Variants in MOB1B observed in about 807,000 individuals in gnomAD.
MOB1B encodes MOB1 Mps One Binder homolog B.
MOB1B carries 19 observed loss-of-function variants against 24.4 expected under a neutral mutation model. That is an observed-to-expected ratio of 0.78 (90% CI 0.54 to 1.14). The LOEUF (loss-of-function observed/expected upper bound fraction) is 1.14. MOB1B is among the 50% of genes most tolerant of loss of function. The probability of loss-of-function intolerance (pLI) is 0.00; values close to 1 mark genes in which losing one functional copy is unlikely to be tolerated. For synonymous variants in MOB1B, 76 were observed against 82.1 expected, an observed-to-expected ratio of 0.93 and a Z score of 0.40; for missense variants, 243 against 259.6, an observed-to-expected ratio of 0.94 and a Z score of 0.44.
chr4:70,974,919 A>G (rs1208180418), intron 3 of MOB1B, among the ~76,000 whole-genome samples: 1 of 152,222 alleles, frequency 6.6e-6, no homozygotes, highest in Non-Finnish European at 1.5e-5. Context: ...ATGTAAAAAA[A>G]TGGACATGTG....
At chr4:70,980,372 G>A (rs1224879788) in intron 5 of MOB1B, among the ~76,000 whole-genome samples, 1 of 152,178 alleles carries the variant, frequency 6.6e-6, no homozygotes, top group Non-Finnish European at 1.5e-5. Flanking sequence ...GTTTAAGAGA[G>A]TATATTCTCC....
intron 4 of MOB1B, chr4:70,975,900 A>C: frequency 3.8e-6 from 3 of 788,616 alleles, no homozygotes; most frequent in Non-Finnish European, 4.6e-6. Flanking sequence ...TTTTAATCTA[A>C]ATTTTTCATT....
At chr4:70,942,501 A>G (rs904445029) in intron 1 of MOB1B, among the ~76,000 whole-genome samples, 6 of 152,262 alleles carry the variant, frequency 3.9e-5, no homozygotes, top group South Asian at 2.1e-4. Context: ...TTTGAACTTT[A>G]ACATAAATTA....
chr4:70,982,004 G>A lies in MOB1B; in HGVS notation c.598G>A (p.Glu200Lys), dbSNP rs760678125. The A allele has an allele frequency of 1.2e-6, 2 of 1,611,736 alleles. No individual in the cohort carries two copies. The highest frequency in any genetic ancestry group is 1.1e-5 in the South Asian group (1 of 91,004). The change falls in exon 6 of 6, where the codon GAA (glutamate) becomes AAA (lysine). Residue 200 changes from glutamate to lysine, a missense_variant. Glu to Lys is a moderately conservative substitution (Grantham distance 56). Coordinates refer to ENST00000309395, the MANE Select transcript of MOB1B (RefSeq NM_173468.4). ...GGAATTCAACCTTATTGATAGAAGA[G>A]AACTTGCACCACTCCAAGAACTGAT... Reference protein sequence around the residue: ...VQEFNLIDRRELAPLQELIEK... With the variant: ...VQEFNLIDRRKLAPLQELIEK...
At chr4:70,979,844 C>T (rs1739132702) in intron 5 of MOB1B, among the ~76,000 whole-genome samples, 1 of 152,152 alleles carries the variant, frequency 6.6e-6, no homozygotes, top group Admixed American at 6.5e-5. Flanking sequence ...TAGTTAACTT[C>T]CTCTTTTTTT....
chr4:70,949,011 A>T (rs1406699410), intron 1 of MOB1B, among the ~76,000 whole-genome samples: 1 of 152,110 alleles, frequency 6.6e-6, no homozygotes. Flanking sequence ...TCTTCTGGAG[A>T]TCCCCTCAGG....
chr4:70,942,890 A>G (rs1227370115), intron 1 of MOB1B: 8 of 801,804 alleles, frequency 1.0e-5, no homozygotes, highest in Non-Finnish European at 1.2e-5. Flanking sequence ...GAAGTAAGCA[A>G]AGAAAAAATT....
chr4:70,906,094 G>A (rs1468978855), intron 1 of MOB1B, among the ~76,000 whole-genome samples: 1 of 150,336 alleles, frequency 6.7e-6, no homozygotes, highest in African/African-American at 2.4e-5. Context: ...AAAAAGGCCG[G>A]TCGCGGGGCA....
chr4:70,952,778 G>A (rs1476693396), intron 1 of MOB1B, among the ~76,000 whole-genome samples: 2 of 151,770 alleles, frequency 1.3e-5, no homozygotes, highest in African/African-American at 4.8e-5. Flanking sequence ...AAATTTTTGT[G>A]AAGATTTGTA....
At chr4:70,929,920 A>G (rs1736820188) in intron 1 of MOB1B, among the ~76,000 whole-genome samples, 1 of 151,954 alleles carries the variant, frequency 6.6e-6, no homozygotes, top group Admixed American at 6.6e-5. Flanking sequence ...CCCAGCCTTA[A>G]TTTTTAAAAT....
chr4:70,908,630 T>C (rs13137667), intron 1 of MOB1B, among the ~76,000 whole-genome samples: 139,767 of 150,776 alleles, frequency 0.93, 65,090 homozygotes, highest in Non-Finnish European at 0.97. Context: ...AAAAAATTAG[T>C]CAGACATGGT....
At chr4:70,936,003 C>G (rs1392258454) in intron 1 of MOB1B, among the ~76,000 whole-genome samples, 7 of 151,936 alleles carry the variant, frequency 4.6e-5, no homozygotes, top group Non-Finnish European at 7.4e-5. Flanking sequence ...AGGCGCCCAC[C>G]ACTACGCCCG....
chr4:70,976,220 T>C, intron 4 of MOB1B: 9 of 984,896 alleles, frequency 9.1e-6, no homozygotes, highest in Non-Finnish European at 1.1e-5. Context: ...TCTAGGATAG[T>C]AACAAAATCT....
intron 1 of MOB1B, among the ~76,000 whole-genome samples, chr4:70,925,379 G>C (rs1321275477): frequency 6.6e-6 from 1 of 152,148 alleles, no homozygotes; most frequent in African/African-American, 2.4e-5. Flanking sequence ...GAATGTATTT[G>C]TAAGGTGTTG....
chr4:70,909,119 C>T (rs1307259389), intron 1 of MOB1B, among the ~76,000 whole-genome samples: 1 of 150,496 alleles, frequency 6.6e-6, no homozygotes, highest in African/African-American at 2.4e-5. Flanking sequence ...GTGTCTGTCT[C>T]TGTTTCTCTC....
intron 4 of MOB1B, chr4:70,976,157 C>A (rs979926854): frequency 2.5e-5 from 24 of 964,800 alleles, no homozygotes; most frequent in Non-Finnish European, 3.0e-5. Context: ...CCACCTCGGC[C>A]TCCCAAAGTA....
chr4:70,918,688 T>G (rs1578350139), intron 1 of MOB1B, among the ~76,000 whole-genome samples: 7 of 152,302 alleles, frequency 4.6e-5, no homozygotes, highest in East Asian at 3.9e-4. Context: ...AGAAGCTCTT[T>G]AGTTTAATTA....
At chr4:70,939,575 A>C (rs1737244428) in intron 1 of MOB1B, among the ~76,000 whole-genome samples, 1 of 152,126 alleles carries the variant, frequency 6.6e-6, no homozygotes, top group Non-Finnish European at 1.5e-5. Context: ...CCAGCTACTC[A>C]AGAGGCTGAG....
At chr4:70,930,247 A>G (rs1290842450) in intron 1 of MOB1B, among the ~76,000 whole-genome samples, 2 of 152,080 alleles carry the variant, frequency 1.3e-5, no homozygotes, top group African/African-American at 4.8e-5. Context: ...CAATAAACTG[A>G]TAATTTAGTG....
Sources: gnomAD v4.1 joint callset for allele counts (sites outside exome capture counted in the v4.1 genomes callset) on GRCh38, gnomAD v4.1.1 for gene constraint, MANE v1.5 for transcripts, NCBI Gene and HGNC (gene_info 2026-07-23, HGNC 2026-07-21) for gene names.